Variants in TCOF1 observed in about 807,000 individuals in gnomAD.
The protein encoded by TCOF1 is treacle ribosome biogenesis factor 1, also known as treacle protein.
A neutral mutation model predicts 149.0 loss-of-function variants in TCOF1; 33 were observed. The observed-to-expected ratio is 0.22, with a 90% CI of 0.17 to 0.30. TCOF1 has a LOEUF of 0.30. Ranked by LOEUF, TCOF1 falls within the 10% of genes least tolerant of loss-of-function variation. The probability of loss-of-function intolerance (pLI) is 1.00; values close to 1 mark genes in which losing one functional copy is unlikely to be tolerated. For missense variants in TCOF1, 1,728 were observed against 1,840.7 expected, an observed-to-expected ratio of 0.94 and a Z score of 1.12; for synonymous variants, 789 against 738.8, an observed-to-expected ratio of 1.07 and a Z score of -1.10.
At chr5:150,368,464 C>T (rs1761834543) in intron 4 of TCOF1, 2 of 546,930 alleles carry the variant, frequency 3.7e-6, no homozygotes, top group Non-Finnish European at 6.6e-6. Context: ...ATAAGATCAA[C>T]AACAAACTGC....
intron 2 of TCOF1, among the ~76,000 whole-genome samples, chr5:150,362,596 G>T (rs1213027815): frequency 6.6e-6 from 1 of 152,150 alleles, no homozygotes; most frequent in Admixed American, 6.5e-5. Context: ...GGTGGGCTAG[G>T]TGGAAGTGGT....
At position 150,388,031 on chromosome 5, in the gene TCOF1, T is replaced by A; in HGVS notation, c.2989T>A (p.Ser997Thr). 1 of 1,613,396 alleles carries A rather than the reference T, an allele frequency of 6.2e-7. No homozygotes were observed. ...AGCCTCGGAGAGCACAGCCAGGAGC[T>A]CCTCCTCCGAGAGCGAGGATGAGGA... Reference protein sequence around the residue: ...ARASESTARSSSSESEDEDVI... With the variant: ...ARASESTARSTSSESEDEDVI... The change falls in exon 18 of 27, where the codon TCC becomes ACC. Residue 997 changes from serine to threonine, a missense_variant. By Grantham distance (58) the Ser-to-Thr change is moderately conservative. Transcript: ENST00000643257.
chr5:150,375,735 G>C lies in TCOF1; in HGVS notation c.1719G>C (p.Gly573=). 6.2e-7 allele frequency: 1 copy of C among 1,614,238 alleles called. No homozygotes were observed. ...AVAPAQEKSL[G]NILQAKPTSS... ...TCTCACTCCAGGAAAAGTCCTTGGG[G>C]AACATCCTCCAGGCCAAACCCACCT... The change falls in exon 12 of 27, where the codon GGG becomes GGC. Residue 573 remains glycine, a synonymous_variant. Transcript: ENST00000643257.
intron 22 of TCOF1, 144 bp downstream of exon 22, chr5:150,392,934 C>G: frequency 1.0e-6 from 1 of 969,718 alleles, no homozygotes. Flanking sequence ...CTGCAAGGCA[C>G]CACGTGTGGC....
At chr5:150,392,812 G>A in intron 22 of TCOF1, 22 bp downstream of exon 22, 12 of 1,612,642 alleles carry the variant, frequency 7.4e-6, no homozygotes, top group Non-Finnish European at 9.3e-6. Context: ...GGAGAGGACT[G>A]GCAGCCCATA....
In TCOF1 at chr5:150,389,857, C is replaced by G. The variant is rs773276267; in HGVS notation, c.3047-30C>G. 13 of 1,614,126 alleles carry G rather than the reference C, an allele frequency of 8.1e-6. No homozygotes were observed. In the South Asian group the frequency reaches 1.4e-4, roughly 18 times the overall value. On this transcript the variant is annotated intron_variant, in intron 18 of 26. Transcript: ENST00000643257. Reference sequence around the variant, plus strand: ...GAGGAGGCGATGGGGCTTTTGTGCCCTGATGTGCCCCCATCTCGCTCCATT... The same window carrying G: ...GAGGAGGCGATGGGGCTTTTGTGCCGTGATGTGCCCCCATCTCGCTCCATT...
intron 2 of TCOF1, among the ~76,000 whole-genome samples, chr5:150,363,799 G>C (rs1423350336): frequency 6.6e-6 from 1 of 152,192 alleles, no homozygotes; most frequent in Non-Finnish European, 1.5e-5. Context: ...AGGGGGAAGA[G>C]CCTGGGCGGT....
intron 17 of TCOF1, among the ~76,000 whole-genome samples, chr5:150,382,228 G>A (rs111682802): frequency 0.012 from 1,761 of 152,216 alleles, 21 homozygotes; most frequent in Non-Finnish European, 0.02. Context: ...ACGTTCTACC[G>A]CCTTAGCCAT....
In TCOF1 at chr5:150,367,949, A is replaced by G. The variant is rs200675501; in HGVS notation, c.378+32A>G. 3.7e-5 allele frequency: 59 copies of G among 1,612,504 alleles called. No individual in the cohort carries two copies. In the African/African-American group the frequency reaches 3.9e-4, roughly 11 times the overall value. On this transcript the variant is annotated intron_variant, in intron 4 of 26. Coordinates refer to ENST00000643257, the MANE Select transcript of TCOF1 (RefSeq NM_001371623.1). Reference sequence around the variant, plus strand: ...GGGACTGCCTTCCAAGCTATTGCCTATGGGATTTAAGGTGCCTGGTAGGGG... The same window carrying G: ...GGGACTGCCTTCCAAGCTATTGCCTGTGGGATTTAAGGTGCCTGGTAGGGG...
At chr5:150,377,676 G>A (rs1265925748) in intron 14 of TCOF1, among the ~76,000 whole-genome samples, 1 of 152,052 alleles carries the variant, frequency 6.6e-6, no homozygotes, top group Non-Finnish European at 1.5e-5. Flanking sequence ...AAGCTCTGCA[G>A]GGGCCCCTTC....
At chr5:150,386,075 TCTC>T (rs1324692787) in intron 17 of TCOF1, among the ~76,000 whole-genome samples, 3 of 152,066 alleles carry the variant, frequency 2.0e-5, no homozygotes, top group East Asian at 1.9e-4. Context: ...AAGCAGGTCT[TCTC>T]CTATACCCTG....
chr5:150,392,018 A>G lies in TCOF1; in HGVS notation c.3359A>G (p.Lys1120Arg), dbSNP rs758643503. The G allele has an allele frequency of 1.9e-6, 3 of 1,614,244 alleles. No homozygotes were observed. Among genetic ancestry groups the G allele is most frequent in the South Asian group, 1.1e-5 (1 of 91,084 alleles). The change falls in exon 21 of 27, where the codon AAA (lysine) becomes AGA (arginine). Residue 1120 changes from lysine to arginine, a missense_variant. By Grantham distance (26) the Lys-to-Arg change is conservative. Transcript: ENST00000643257. ...CCCCAGAGCACCTCCGTCCAGGCCA[A>G]AGGGACCAACAAGCTCAGAAAACCT... ...TSPQSTSVQAKGTNKLRKPKL... is the reference protein window; with the variant it reads ...TSPQSTSVQARGTNKLRKPKL...
At chr5:150,398,556 AGTCGGGGGC>A in intron 25 of TCOF1, 105 bp downstream of exon 25, 1 of 1,562,474 alleles carries the variant, frequency 6.4e-7, no homozygotes, top group Non-Finnish European at 8.8e-7. Flanking sequence ...TTCGGGGCCC[AGTCGGGGGC>A]GTCAGGGGTT....
chr5:150,389,875 G>C lies in TCOF1; in HGVS notation c.3047-12G>C, dbSNP rs371355622. On this transcript the variant is annotated splice_polypyrimidine_tract_variant and intron_variant, in intron 18 of 26. Coordinates refer to ENST00000643257, the MANE Select transcript of TCOF1 (RefSeq NM_001371623.1). Reference sequence around the variant, plus strand: ...TTGTGCCCTGATGTGCCCCCATCTCGCTCCATTTCAGGCATCAGAACCAAT... The same window carrying C: ...TTGTGCCCTGATGTGCCCCCATCTCCCTCCATTTCAGGCATCAGAACCAAT... 1.2e-6 allele frequency: 2 copies of C among 1,614,134 alleles called. No homozygotes were observed. The highest frequency in any genetic ancestry group is 1.6e-4 in the Middle Eastern group (1 of 6,062).
chr5:150,396,351 C>T lies in TCOF1; in HGVS notation c.3854C>T (p.Pro1285Leu), dbSNP rs773003015. ...SRKPKKGAGN[P>L]QASTLALQSN... is the part of the protein sequence containing the mutation. Reference sequence around the variant, plus strand: ...AAGCCCAAGAAAGGGGCTGGGAACCCCCAAGCCTCAACCCTGGCGCTGCAA... The same window carrying T: ...AAGCCCAAGAAAGGGGCTGGGAACCTCCAAGCCTCAACCCTGGCGCTGCAA... Residue 1285 changes from proline (P) to leucine (L), a missense_variant, in exon 24 of 27, where the codon CCC becomes CTC. Physicochemically the swap from Pro to Leu is moderately conservative, Grantham distance 98 (BLOSUM62 -3). Coordinates refer to ENST00000643257, the MANE Select transcript of TCOF1 (RefSeq NM_001371623.1). The T allele has an allele frequency of 1.9e-6, 3 of 1,613,962 alleles. No homozygotes were observed. Among genetic ancestry groups the T allele is most frequent in the Admixed American group, 1.7e-5 (1 of 60,022 alleles).
At chr5:150,388,223 C>A in intron 18 of TCOF1, 135 bp downstream of exon 18, 1 of 1,192,036 alleles carries the variant, frequency 8.4e-7, no homozygotes, top group Non-Finnish European at 1.2e-6. Flanking sequence ...GGTCTCTGGG[C>A]CCTGCATTAG....
chr5:150,378,988 C>T lies in TCOF1; in HGVS notation c.2424C>T (p.Ala808=), dbSNP rs550986093. Residue 808 remains alanine (A), a synonymous_variant, in exon 15 of 27, where the codon GCC becomes GCT. Transcript: ENST00000643257. ...CTTCAGCAAAAGGGACAATTTCAGC[C>T]CCTGGAAAAGTTGTCACTGCAGCTG... is the stretch of plus-strand genomic sequence containing the variant. ...RAPSAKGTIS[A]PGKVVTAAAQ... is the part of the protein sequence containing the mutation. 6.2e-7 allele frequency: 1 copy of T among 1,614,078 alleles called. No individual in the cohort carries two copies. The highest frequency in any genetic ancestry group is 1.7e-5 in the Admixed American group (1 of 60,006).
chr5:150,374,538 C>G, intron 8 of TCOF1, 79 bp from the exon 9 acceptor site: 1 of 1,601,344 alleles, frequency 6.2e-7, no homozygotes, highest in Non-Finnish European at 8.5e-7. Flanking sequence ...TTTGCCCTAT[C>G]TGGTCTTCTG....
chr5:150,385,253 A>T (rs1287389265), intron 17 of TCOF1, among the ~76,000 whole-genome samples: 1 of 152,226 alleles, frequency 6.6e-6, no homozygotes, highest in African/African-American at 2.4e-5. Flanking sequence ...GAATCAAAGA[A>T]AAAGGAAACC....
Sources: gnomAD v4.1 joint callset for allele counts (sites outside exome capture counted in the v4.1 genomes callset) on GRCh38, gnomAD v4.1.1 for gene constraint, MANE v1.5 for transcripts, NCBI Gene and HGNC (gene_info 2026-07-23, HGNC 2026-07-21) for gene names.